Variants in GALNT1 observed in about 807,000 individuals in gnomAD.
GALNT1 encodes the protein polypeptide N-acetylgalactosaminyltransferase 1, also known as GalNAc transferase 1.
GALNT1 carries 17 observed loss-of-function variants against 65.7 expected under a neutral mutation model. The ratio of observed to expected loss-of-function variants is 0.26; its 90% CI spans 0.18 to 0.39. The LOEUF (loss-of-function observed/expected upper bound fraction) is 0.39. Ranked by LOEUF, GALNT1 falls within the 10% of genes least tolerant of loss-of-function variation. GALNT1 has a pLI of 1.00. For synonymous variants in GALNT1, 210 were observed against 219.7 expected, an observed-to-expected ratio of 0.96 and a Z score of 0.39; for missense variants, 460 against 672.8, an observed-to-expected ratio of 0.68 and a Z score of 3.50.
chr18:35,580,968 G>C (rs1447078253), upstream of GALNT1: 2 of 152,144 alleles, frequency 1.3e-5, no homozygotes, highest in Non-Finnish European at 2.9e-5. Flanking sequence ...CCGAGACCCG[G>C]GTGCCTGCCC....
intron 1 of GALNT1, among the ~76,000 whole-genome samples, chr18:35,582,934 C>T (rs891673822): frequency 6.6e-6 from 1 of 152,212 alleles, no homozygotes; most frequent in Non-Finnish European, 1.5e-5. Context: ...TTCAGCTCCT[C>T]GGTCACAGTA....
chr18:35,616,575 C>T (rs1254738777), intron 1 of GALNT1, among the ~76,000 whole-genome samples: 1 of 152,098 alleles, frequency 6.6e-6, no homozygotes, highest in Non-Finnish European at 1.5e-5. Context: ...GCTTGCATAT[C>T]CTCACCTGAA....
intron 3 of GALNT1, among the ~76,000 whole-genome samples, chr18:35,669,999 G>A (rs1053293791): frequency 2.0e-5 from 3 of 152,162 alleles, no homozygotes; most frequent in Admixed American, 1.3e-4. Flanking sequence ...GAATAAAAAA[G>A]TGTTTAGAGA....
At chr18:35,682,658 A>G (rs764575652) in intron 4 of GALNT1, among the ~76,000 whole-genome samples, 4 of 152,148 alleles carry the variant, frequency 2.6e-5, no homozygotes, top group Admixed American at 6.6e-5. Context: ...ATCTTATCCT[A>G]TATGCTTGCC....
rs116804010 is a variant in GALNT1, at chr18:35,598,574, G to A, written c.-104+16712G>A. 9.9e-3 allele frequency among the ~76,000 whole-genome samples: 1,502 copies of A among 152,212 alleles called. 31 individuals carry two copies. Among genetic ancestry groups the A allele is most frequent in the African/African-American group, 0.034 (1,422 of 41,506 alleles). On this transcript the variant is annotated intron_variant, in intron 1 of 11. Coordinates refer to ENST00000269195, the MANE Select transcript of GALNT1 (RefSeq NM_020474.4). ...AAAATGATAGGATTTCATTTTTTATGGCTGAATAATATTCCATTCTATCTA... is the reference window on the plus strand; with the variant it reads ...AAAATGATAGGATTTCATTTTTTATAGCTGAATAATATTCCATTCTATCTA...
chr18:35,586,753 G>A (rs2046382568), intron 1 of GALNT1, among the ~76,000 whole-genome samples: 1 of 152,122 alleles, frequency 6.6e-6, no homozygotes, highest in Non-Finnish European at 1.5e-5. Context: ...GGTGGGCATG[G>A]GCATGGGGTA....
At chr18:35,663,588 C>T (rs780737626) in intron 2 of GALNT1, 40 bp from the exon 3 acceptor site, 2 of 1,552,168 alleles carry the variant, frequency 1.3e-6, no homozygotes, top group Non-Finnish European at 1.7e-6. Flanking sequence ...CAATCAATTG[C>T]TATGAAATTA....
At chr18:35,704,413 A>G (rs2048219613) in intron 11 of GALNT1, among the ~76,000 whole-genome samples, 2 of 151,152 alleles carry the variant, frequency 1.3e-5, no homozygotes, top group Admixed American at 6.6e-5. Context: ...GGCTCAAGCT[A>G]TCCTCCCACC....
At chr18:35,671,915 T>A (rs2047642156) in intron 3 of GALNT1, among the ~76,000 whole-genome samples, 1 of 152,250 alleles carries the variant, frequency 6.6e-6, no homozygotes. Context: ...GCTTCACTAT[T>A]TCCTCCAATC....
At chr18:35,658,008 G>T (rs1051824026) in intron 2 of GALNT1, among the ~76,000 whole-genome samples, 3 of 152,172 alleles carry the variant, frequency 2.0e-5, no homozygotes, top group Non-Finnish European at 4.4e-5. Flanking sequence ...AACGTGAAAA[G>T]GATTCTCCTC....
In GALNT1 at chr18:35,654,258, T is replaced by C. The variant is rs577603645; in HGVS notation, c.-103-302T>C. 4.6e-5 allele frequency among the ~76,000 whole-genome samples: 7 copies of C among 152,306 alleles called. 1 individual carries two copies. The South Asian group carries it at 1.4e-3, about 32-fold the overall frequency. On this transcript the variant is annotated intron_variant, in intron 1 of 11. Transcript: ENST00000269195. ...AGGGAATTGAGCACTTTTCTACATG[T>C]TTATTGGCTATTTAGGTTTCCATTC...
intron 9 of GALNT1, among the ~76,000 whole-genome samples, chr18:35,701,883 G>C (rs1418679084): frequency 6.6e-6 from 1 of 152,182 alleles, no homozygotes; most frequent in Non-Finnish European, 1.5e-5. Flanking sequence ...TAAAGTGACA[G>C]TGCAGATTAT....
At chr18:35,637,513 A>G (rs1464274361) in intron 1 of GALNT1, among the ~76,000 whole-genome samples, 1 of 152,238 alleles carries the variant, frequency 6.6e-6, no homozygotes, top group Admixed American at 6.5e-5. Flanking sequence ...TAACTCGTCA[A>G]TGCTATGAAG....
chr18:35,603,931 T>C (rs932460571), intron 1 of GALNT1, among the ~76,000 whole-genome samples: 4 of 152,174 alleles, frequency 2.6e-5, no homozygotes, highest in African/African-American at 7.2e-5. Context: ...TATTTTTTTC[T>C]TTCCAACTTT....
chr18:35,666,011 C>G (rs1374890277), intron 3 of GALNT1, among the ~76,000 whole-genome samples: 1 of 152,002 alleles, frequency 6.6e-6, no homozygotes, highest in Non-Finnish European at 1.5e-5. Context: ...CAGAGGCGAC[C>G]AGCCCAGATG....
Position 35,697,443 on chromosome 18 carries a change from CG to C in GALNT1, c.1299+5125del, listed in dbSNP as rs2048078391. Among the ~76,000 whole-genome samples, 4 of 152,272 alleles carry C rather than the reference CG, an allele frequency of 2.6e-5. No homozygotes were observed. The South Asian group carries it at 8.3e-4, about 32-fold the overall frequency. On this transcript the variant is annotated intron_variant, in intron 9 of 11. Coordinates refer to ENST00000269195, the MANE Select transcript of GALNT1 (RefSeq NM_020474.4). Reference sequence around the variant, plus strand: ...TACATCCATCTGTACCACCATTCCCCGGTCCTACCAATAGTCATGATATATT... The same window carrying C: ...TACATCCATCTGTACCACCATTCCCCGTCCTACCAATAGTCATGATATATT...
At chr18:35,684,528 C>T (rs2047837144) in intron 5 of GALNT1, among the ~76,000 whole-genome samples, 1 of 152,100 alleles carries the variant, frequency 6.6e-6, no homozygotes, top group Non-Finnish European at 1.5e-5. Context: ...CTGAAGATAA[C>T]ACACAACCCA....
At chr18:35,613,073 C>T (rs751042181) in intron 1 of GALNT1, among the ~76,000 whole-genome samples, 31 of 152,262 alleles carry the variant, frequency 2.0e-4, no homozygotes, top group Non-Finnish European at 2.6e-4. Context: ...CCTGACTACT[C>T]AATTTTTCTT....
intron 2 of GALNT1, among the ~76,000 whole-genome samples, chr18:35,658,518 A>G (rs2047428106): frequency 6.6e-6 from 1 of 152,158 alleles, no homozygotes; most frequent in Admixed American, 6.5e-5. Flanking sequence ...GTTTCAGTGC[A>G]GTAGGTGCTG....
Sources: gnomAD v4.1 joint callset for allele counts (sites outside exome capture counted in the v4.1 genomes callset) on GRCh38, gnomAD v4.1.1 for gene constraint, MANE v1.5 for transcripts, NCBI Gene and HGNC (gene_info 2026-07-23, HGNC 2026-07-21) for gene names.